KDM4B: variants seen among roughly 807,000 people sequenced by gnomAD.
The protein encoded by KDM4B is lysine-specific demethylase 4B.
A neutral mutation model predicts 125.2 loss-of-function variants in KDM4B; 32 were observed. The observed-to-expected ratio is 0.26, with a 90% confidence interval of 0.19 to 0.34. The LOEUF (loss-of-function observed/expected upper bound fraction) is 0.34. Ranked by LOEUF, KDM4B falls within the 10% of genes least tolerant of loss-of-function variation. KDM4B has a pLI of 1.00. For missense variants in KDM4B, 1,190 were observed against 1,577.7 expected (o/e 0.75, Z 4.16); for synonymous variants, 721 against 677.9 (o/e 1.06, Z -0.99).
chr19:4,983,975 G>A (rs11880607), intron 1 of KDM4B, among the ~76,000 whole-genome samples: 5 of 152,116 alleles, frequency 3.3e-5, no homozygotes, highest in East Asian at 3.9e-4. Context: ...ATTACCACGC[G>A]AAAAGCCCTT....
At chr19:5,016,043 G>C (rs1226540564) in intron 1 of KDM4B, among the ~76,000 whole-genome samples, 1 of 152,208 alleles carries the variant, frequency 6.6e-6, no homozygotes, top group Non-Finnish European at 1.5e-5. Context: ...GATTTTAGGA[G>C]CTAAGCTTAA....
chr19:5,057,875 G>C (rs535296171), intron 6 of KDM4B, among the ~76,000 whole-genome samples: 1 of 152,388 alleles, frequency 6.6e-6, no homozygotes, highest in South Asian at 2.1e-4. Context: ...CAAACTTGAA[G>C]GTGACAGTTT....
chr19:4,971,269 C>G lies in KDM4B; in HGVS notation c.-109+2039C>G, dbSNP rs2034249084. 6.6e-6 allele frequency among the ~76,000 whole-genome samples: 1 copy of G among 152,182 alleles called. No homozygotes were observed. Among genetic ancestry groups the G allele is most frequent in the Non-Finnish European group, 1.5e-5 (1 of 68,032 alleles). ...CCTGGCCTTTGTTGTACTTTTCTGT[C>G]TCGTGGAAGAGACCCTTCCTCAGCC... On this transcript the variant is annotated intron_variant, in intron 1 of 22. Coordinates refer to ENST00000159111, the MANE Select transcript of KDM4B (RefSeq NM_015015.3). The surrounding 1 kb of genome is among the most constrained non-coding windows in gnomAD (Gnocchi z 4.1).
intron 3 of KDM4B, among the ~76,000 whole-genome samples, chr19:5,037,664 G>A (rs1010524877): frequency 1.3e-5 from 2 of 152,216 alleles, no homozygotes; most frequent in African/African-American, 4.8e-5. Context: ...ACTTGGGGCC[G>A]CATCGTTCTC....
intron 9 of KDM4B, among the ~76,000 whole-genome samples, chr19:5,104,995 G>A (rs879911072): frequency 3.9e-5 from 6 of 152,218 alleles, no homozygotes; most frequent in Non-Finnish European, 8.8e-5. Context: ...CAGGTGGTGA[G>A]GCCGGGAGAG....
At position 5,039,945 on chromosome 19, in the gene KDM4B, C is replaced by T. The variant is rs765832707; in HGVS notation, c.251C>T (p.Thr84Met). ...GTGACGGGCCAGTCGGGCCTCTTCA[C>T]GCAGTACAATATCCAGAAGAAGGCC... ...QVVTGQSGLF[T>M]QYNIQKKAMT... The change falls in exon 4 of 23, where the codon ACG (threonine) becomes ATG (methionine). Residue 84 changes from threonine (T) to methionine (M), a missense_variant. This residue lies in a region of KDM4B where 139 missense variants were observed against 248.3 expected (regional missense o/e 0.56). Transcript: ENST00000159111. 17 of 1,612,856 alleles carry T rather than the reference C, an allele frequency of 1.1e-5. No homozygotes were observed. The highest frequency in any genetic ancestry group is 2.2e-5 in the East Asian group (1 of 44,890).
chr19:5,119,989 G>A (rs2039330964), intron 11 of KDM4B, 137 bp downstream of exon 11: 9 of 1,154,586 alleles, frequency 7.8e-6, no homozygotes, highest in Non-Finnish European at 9.5e-6. Flanking sequence ...TGCCAGGGTG[G>A]GGCATTTCGT....
In KDM4B at chr19:5,151,332, C is replaced by T. The variant is rs191101535; in HGVS notation, c.3115-3C>T. 3.3e-4 allele frequency: 513 copies of T among 1,538,904 alleles called. 1 individual carries two copies. The highest frequency in any genetic ancestry group is 4.1e-4 in the Non-Finnish European group (468 of 1,142,430). ...TAACCACTGTGCTTCCGCTCTCCCGCAGTCACTGAGCACGGGGGCACCGCA... is the reference window on the plus strand; with the variant it reads ...TAACCACTGTGCTTCCGCTCTCCCGTAGTCACTGAGCACGGGGGCACCGCA... On this transcript the variant is annotated splice_polypyrimidine_tract_variant and splice_region_variant and intron_variant, in intron 22 of 22. Transcript: ENST00000159111.
chr19:4,997,507 C>T lies in KDM4B; in HGVS notation c.-108-18750C>T, dbSNP rs1217782952. Among the ~76,000 whole-genome samples the T allele has an allele frequency of 6.6e-6, 1 of 152,132 alleles. No individual in the cohort carries two copies. The highest frequency in any genetic ancestry group is 2.4e-5 in the African/African-American group (1 of 41,416). Reference sequence around the variant, plus strand: ...GCCTGCGTACCCAGTGGGTGGCGCTCAGGTCTGCAGCTGCCTCCTTGGCTC... The same window carrying T: ...GCCTGCGTACCCAGTGGGTGGCGCTTAGGTCTGCAGCTGCCTCCTTGGCTC... On this transcript the variant is annotated intron_variant, in intron 1 of 22. Coordinates refer to ENST00000159111, the MANE Select transcript of KDM4B (RefSeq NM_015015.3). This position sits in a 1 kb window ranked among gnomAD's most constrained non-coding sequence, Gnocchi z 4.2.
chr19:4,989,716 G>A (rs1272456734), intron 1 of KDM4B, among the ~76,000 whole-genome samples: 1 of 151,532 alleles, frequency 6.6e-6, no homozygotes, highest in African/African-American at 2.4e-5. Context: ...GCAAGGGCAC[G>A]ATTTTGGCTC....
Position 5,135,449 on chromosome 19 carries a change from C to T in KDM4B, c.2196C>T (p.Cys732=). ...CCCGACCGCTCATCCCTGAGATGTG[C>T]TTCACCTCTGGCGGTGAGAACACGG... ...QKTRPLIPEM[C]FTSGGENTEP... is the part of the protein sequence containing the mutation. Residue 732 remains cysteine (C), a synonymous_variant, in exon 15 of 23, where the codon TGC becomes TGT. Coordinates refer to ENST00000159111, the MANE Select transcript of KDM4B (RefSeq NM_015015.3). 6.2e-7 allele frequency: 1 copy of T among 1,613,470 alleles called. No individual in the cohort carries two copies. Among genetic ancestry groups the T allele is most frequent in the Non-Finnish European group, 8.5e-7 (1 of 1,179,904 alleles).
intron 5 of KDM4B, among the ~76,000 whole-genome samples, chr19:5,046,260 G>C (rs1387830937): frequency 6.6e-6 from 1 of 152,224 alleles, no homozygotes; most frequent in African/African-American, 2.4e-5. Flanking sequence ...CCTAGCCTAT[G>C]CACTAGCCTA....
chr19:5,062,759 A>G (rs1169910811), intron 6 of KDM4B, among the ~76,000 whole-genome samples: 4 of 131,030 alleles, frequency 3.1e-5, no homozygotes, highest in Admixed American at 2.3e-4. Context: ...GTAGAAACTT[A>G]TGTTATAATT....
rs569251520 is a variant in KDM4B at position 5,040,434 on chromosome 19, G to A, written c.317+423G>A. On this transcript the variant is annotated intron_variant, in intron 4 of 22. Transcript: ENST00000159111. ...ACACACATGGGTACACAGGGCACAC[G>A]CACGTCCATACACAGGCACACACGG... Among the ~76,000 whole-genome samples the A allele has an allele frequency of 6.0e-4, 91 of 152,096 alleles. No homozygotes were observed. The South Asian group carries it at 7.1e-3, about 12-fold the overall frequency.
At position 5,024,481 on chromosome 19, in the gene KDM4B, G is replaced by A. The variant is rs552749499; in HGVS notation, c.-26+8142G>A. ...GGCCCTGCTCAGCCGGGCCGGAAGC[G>A]TCCCTCACTTGTTCCTCCCCCAGGT... On this transcript the variant is annotated intron_variant, in intron 2 of 22. Transcript: ENST00000159111. Among the ~76,000 whole-genome samples, 70 of 152,214 alleles carry A rather than the reference G, an allele frequency of 4.6e-4. 1 individual carries two copies. In the South Asian group the frequency reaches 0.012, roughly 25 times the overall value.
chr19:5,105,211 T>G (rs558597037), intron 9 of KDM4B, among the ~76,000 whole-genome samples: 2 of 152,346 alleles, frequency 1.3e-5, no homozygotes, highest in Non-Finnish European at 2.9e-5. Flanking sequence ...GGAGCCGGAC[T>G]GCTTCCCGGC....
At chr19:5,123,175 C>G (rs2039392360) in intron 11 of KDM4B, among the ~76,000 whole-genome samples, 2 of 152,262 alleles carry the variant, frequency 1.3e-5, no homozygotes, top group Admixed American at 1.3e-4. Context: ...CGCCCTGTGG[C>G]TCTCGGACAC....
At chr19:5,071,142 C>T (rs1004622757) in intron 7 of KDM4B, 83 bp downstream of exon 7, 35 of 1,321,524 alleles carry the variant, frequency 2.6e-5, no homozygotes, top group African/African-American at 4.3e-5. Flanking sequence ...TGGCGTCCCC[C>T]GGGCTCTGCT....
At chr19:5,084,290 TATATA>T (rs1313688783) in intron 9 of KDM4B, among the ~76,000 whole-genome samples, 2 of 146,674 alleles carry the variant, frequency 1.4e-5, no homozygotes, top group African/African-American at 5.0e-5. Context: ...ATTTATATGT[TATATA>T]TAATTTATAT....
Sources: gnomAD v4.1 joint callset for allele counts (sites outside exome capture counted in the v4.1 genomes callset) on GRCh38, gnomAD v4.1.1 for gene constraint, gnomAD v4.1.1 regional missense constraint, Gnocchi (gnomAD v3.1) non-coding constraint, MANE v1.5 for transcripts, NCBI Gene and HGNC (gene_info 2026-07-23, HGNC 2026-07-21) for gene names.